The following PCLO variants were observed in gnomAD, a reference collection of about 807,000 sequenced individuals.
The protein encoded by PCLO is piccolo presynaptic cytomatrix protein.
Under a neutral mutation model 427.5 loss-of-function variants are expected in PCLO, and 82 were observed. That is an observed-to-expected ratio of 0.19 (90% CI 0.16 to 0.23). The LOEUF is 0.23. Ranked by LOEUF, PCLO falls within the 10% of genes least tolerant of loss-of-function variation. The pLI, the probability that PCLO is intolerant of heterozygous loss-of-function variation, is 1.00. For synonymous variants in PCLO, 2,357 were observed against 2,155.4 expected, an observed-to-expected ratio of 1.09 and a Z score of -2.59; for missense variants, 6,239 against 6,115.9, an observed-to-expected ratio of 1.02 and a Z score of -0.67.
At chr7:82,985,952 G>A (rs1332811798) in intron 3 of PCLO, among the ~76,000 whole-genome samples, 1 of 151,818 alleles carries the variant, frequency 6.6e-6, no homozygotes. Flanking sequence ...TCATTTTAGT[G>A]TTAACTTTAA....
intron 3 of PCLO, among the ~76,000 whole-genome samples, chr7:83,010,905 C>T (rs1288076176): frequency 5.3e-5 from 8 of 151,984 alleles, no homozygotes; most frequent in African/African-American, 1.9e-4. Context: ...CTCTTGCTTT[C>T]GACCCATATG....
intron 1 of PCLO, among the ~76,000 whole-genome samples, chr7:83,162,131 T>G (rs1792454570): frequency 6.6e-6 from 1 of 152,218 alleles, no homozygotes. Context: ...TCCAAGAATG[T>G]AACCCTTGAC....
chr7:82,931,937 T>C (rs1054048826), intron 6 of PCLO, among the ~76,000 whole-genome samples: 1 of 152,096 alleles, frequency 6.6e-6, no homozygotes, highest in African/African-American at 2.4e-5. Context: ...TTATGATTGA[T>C]TACATGTGAA....
chr7:82,890,596 G>A (rs1047440173), intron 9 of PCLO, among the ~76,000 whole-genome samples: 1 of 151,816 alleles, frequency 6.6e-6, no homozygotes, highest in Non-Finnish European at 1.5e-5. Context: ...GACAAATTGT[G>A]TTTATAGTAT....
chr7:82,809,101 T>C (rs1334993853), intron 20 of PCLO, among the ~76,000 whole-genome samples: 1 of 151,928 alleles, frequency 6.6e-6, no homozygotes, highest in Non-Finnish European at 1.5e-5. Flanking sequence ...TTGAGCTAAA[T>C]CTGCATAAAG....
chr7:82,902,712 G>A lies in PCLO; in HGVS notation c.13467C>T (p.His4489=). The A allele has an allele frequency of 6.3e-7, 1 of 1,599,824 alleles. No individual in the cohort carries two copies. The highest frequency in any genetic ancestry group is 1.1e-5 in the South Asian group (1 of 90,780). The change falls in exon 9 of 25, where the codon CAC becomes CAT. Residue 4489 remains histidine, a synonymous_variant. Coordinates refer to ENST00000333891, the MANE Select transcript of PCLO (RefSeq NM_033026.6). ...TTATCCTTGCGTGAGGAAAGATGTA[G>A]TGCATAGTTTTCCCGTTCATCTGTA... The part of the protein sequence containing the change: ...QIIQMNGKTM[H]YIFPHARIKI...
chr7:83,144,951 G>C (rs1464012992), intron 2 of PCLO, among the ~76,000 whole-genome samples: 2 of 152,162 alleles, frequency 1.3e-5, no homozygotes. Flanking sequence ...AAGAGTAGAA[G>C]TGTCATATTT....
chr7:82,857,042 C>A (rs1396268990), intron 10 of PCLO, among the ~76,000 whole-genome samples: 1 of 152,114 alleles, frequency 6.6e-6, no homozygotes, highest in Admixed American at 6.6e-5. Context: ...TATGACACAG[C>A]AAGAAGGTCC....
chr7:83,057,975 G>T (rs1270909605), intron 3 of PCLO, among the ~76,000 whole-genome samples: 3 of 152,076 alleles, frequency 2.0e-5, no homozygotes, highest in African/African-American at 7.2e-5. Flanking sequence ...GGGACAAAAT[G>T]TATGACTGTC....
rs567711615 is a variant in PCLO at position 82,762,574 on chromosome 7, T to C, written c.15008-1081A>G. ...TTGTTTATGTGGATAACTACCAATA[T>C]TAGAAATATAAAATTTCTAATTTTT... On this transcript the variant is annotated intron_variant, in intron 22 of 24. Coordinates refer to ENST00000333891, the MANE Select transcript of PCLO (RefSeq NM_033026.6). Among the ~76,000 whole-genome samples the C allele has an allele frequency of 2.6e-5, 4 of 152,162 alleles. No homozygotes were observed. The East Asian group carries it at 7.7e-4, about 29-fold the overall frequency.
intron 3 of PCLO, among the ~76,000 whole-genome samples, chr7:83,107,221 T>G (rs1316551451): frequency 1.3e-5 from 2 of 152,180 alleles, no homozygotes; most frequent in African/African-American, 4.8e-5. Context: ...CAAAATAAAT[T>G]TATTATAGTC....
rs767112011 is a variant in PCLO, at chr7:83,135,511, T to C, written c.2039A>G (p.Gln680Arg). ...SAVSKSSPQPQQTSPKKDAAP... is the reference protein window; with the variant it reads ...SAVSKSSPQPRQTSPKKDAAP... ...AGCATCCTTCTTTGGGGAAGTCTGC[T>C]GTGGCTGTGGGGATGATTTGCTCAC... is the stretch of plus-strand genomic sequence containing the variant. The change falls in exon 3 of 25, where the codon CAG (glutamine) becomes CGG (arginine). Residue 680 changes from glutamine (Q) to arginine (R), a missense_variant. By Grantham distance (43) the Gln-to-Arg change is conservative. This residue lies in a region of PCLO where 4,677 missense variants were observed against 4,468.4 expected (regional missense o/e 1.05). Coordinates refer to ENST00000333891, the MANE Select transcript of PCLO (RefSeq NM_033026.6). 5.6e-6 allele frequency: 9 copies of C among 1,613,630 alleles called. No individual in the cohort carries two copies. Among genetic ancestry groups the C allele is most frequent in the Non-Finnish European group, 7.6e-6 (9 of 1,179,874 alleles).
chr7:82,985,649 T>C (rs1236429421), intron 3 of PCLO, among the ~76,000 whole-genome samples: 3 of 151,918 alleles, frequency 2.0e-5, no homozygotes, highest in African/African-American at 7.2e-5. Flanking sequence ...GCATGTGGCA[T>C]TAAATTGGCA....
chr7:83,006,451 T>A (rs1350027219), intron 3 of PCLO, among the ~76,000 whole-genome samples: 1 of 151,586 alleles, frequency 6.6e-6, no homozygotes, highest in Non-Finnish European at 1.5e-5. Context: ...ACATGGTAGA[T>A]GGCAAAGTAG....
At chr7:82,885,047 T>G (rs1443543729) in intron 9 of PCLO, among the ~76,000 whole-genome samples, 1 of 152,204 alleles carries the variant, frequency 6.6e-6, no homozygotes, top group Non-Finnish European at 1.5e-5. Context: ...TGATTTCCAA[T>G]GAGCCACTTC....
intron 3 of PCLO, among the ~76,000 whole-genome samples, chr7:83,064,276 C>T: frequency 6.6e-6 from 1 of 151,454 alleles, no homozygotes; most frequent in Middle Eastern, 3.4e-3. Flanking sequence ...ATCATGGGAA[C>T]AAAAAGAAGA....
chr7:82,805,058 A>G (rs1466463201), intron 21 of PCLO, among the ~76,000 whole-genome samples: 2 of 151,376 alleles, frequency 1.3e-5, no homozygotes, highest in Non-Finnish European at 2.9e-5. Context: ...TAAGTATGCT[A>G]AAGTTTTGCA....
chr7:82,957,732 A>T (rs1795560448), intron 4 of PCLO, among the ~76,000 whole-genome samples: 1 of 152,214 alleles, frequency 6.6e-6, no homozygotes, highest in African/African-American at 2.4e-5. Context: ...CTCATCTCAA[A>T]GGTGTTTCAC....
chr7:82,929,418 CTAATGT>C (rs969246482), intron 6 of PCLO, among the ~76,000 whole-genome samples: 2 of 151,930 alleles, frequency 1.3e-5, no homozygotes, highest in African/African-American at 4.8e-5. Context: ...CTATGTTTGC[CTAATGT>C]TATTGCTCAA....
Sources: allele counts gnomAD v4.1 joint callset (sites outside exome capture counted in the v4.1 genomes callset), GRCh38; gene constraint gnomAD v4.1.1; regional missense constraint gnomAD v4.1.1; transcripts MANE v1.5; gene names NCBI Gene and HGNC (gene_info 2026-07-23, HGNC 2026-07-21).